C7orf57: variants seen among roughly 807,000 people sequenced by gnomAD.
The protein encoded by C7orf57 is uncharacterized protein C7orf57.
C7orf57 carries 33 observed loss-of-function variants against 39.0 expected under a neutral mutation model. The ratio of observed to expected loss-of-function variants is 0.85; its 90% CI spans 0.64 to 1.13. The LOEUF (loss-of-function observed/expected upper bound fraction) is 1.13. Ranked by LOEUF, C7orf57 falls within the 50% of genes most tolerant of loss-of-function variation. C7orf57 has a pLI of 0.00. For missense variants in C7orf57, 346 were observed against 362.3 expected (o/e 0.95, Z 0.37); for synonymous variants, 124 against 137.1 (o/e 0.90, Z 0.67).
intron 6 of C7orf57, among the ~76,000 whole-genome samples, chr7:48,051,750 T>TTTTCTTTCTTTTTCTTTTC: frequency 1.8e-5 from 1 of 54,690 alleles, no homozygotes; most frequent in Admixed American, 2.3e-4. Context: ...TTTCTTTTTC[T>TTTTCTTTCTTTTTCTTTTC]TTTCTTTCTT....
intron 3 of C7orf57, 72 bp from the exon 4 acceptor site, chr7:48,043,409 A>T: frequency 8.7e-7 from 1 of 1,146,368 alleles, no homozygotes; most frequent in East Asian, 2.5e-5. Context: ...AATTGAGCCT[A>T]TCACTGGCAA....
rs1236080420 is a variant in C7orf57 at position 48,052,673 on chromosome 7, T to A, written c.606-27T>A. On this transcript the variant is annotated intron_variant, in intron 6 of 8. Transcript: ENST00000348904. ...TTTATCATTAACCCTTGTACTTAAG[T>A]TTCACATTACTTTTACTCTTTTTAA... The A allele has an allele frequency of 1.9e-6, 3 of 1,593,326 alleles. No homozygotes were observed. In the South Asian group the frequency reaches 3.3e-5, roughly 18 times the overall value.
intron 6 of C7orf57, among the ~76,000 whole-genome samples, chr7:48,050,659 ATATG>A (rs1369199210): frequency 3.3e-5 from 5 of 152,214 alleles, no homozygotes; most frequent in African/African-American, 4.8e-5. Context: ...GTGTTTATAT[ATATG>A]TAAGTATATA....
intron 2 of C7orf57, among the ~76,000 whole-genome samples, chr7:48,036,631 C>T (rs17132044): frequency 0.074 from 11,251 of 152,194 alleles, 1,384 homozygotes; most frequent in African/African-American, 0.26. Context: ...TTGGTTCAAT[C>T]TGGAGCAACA....
chr7:48,051,839 C>CTT (rs1330048004), intron 6 of C7orf57, among the ~76,000 whole-genome samples: 2 of 59,200 alleles, frequency 3.4e-5, no homozygotes, highest in Non-Finnish European at 6.4e-5. Context: ...TTCTTTCTTT[C>CTT]TTTCTTTCTT....
At chr7:48,050,019 G>T in intron 6 of C7orf57, 42 bp downstream of exon 6, 2 of 1,399,466 alleles carry the variant, frequency 1.4e-6, no homozygotes, top group South Asian at 2.3e-5. Context: ...GACTGGGTTT[G>T]GGTTTGGCCT....
intron 5 of C7orf57, among the ~76,000 whole-genome samples, chr7:48,047,426 G>C (rs917780323): frequency 6.6e-6 from 1 of 152,248 alleles, no homozygotes; most frequent in African/African-American, 2.4e-5. Flanking sequence ...ACAATGAAGA[G>C]ACTGGATGTG....
chr7:48,052,996 A>G (rs1187304771), intron 7 of C7orf57, 73 bp downstream of exon 7: 1 of 1,214,274 alleles, frequency 8.2e-7, no homozygotes, highest in African/African-American at 1.5e-5. Flanking sequence ...CGTTCTTATC[A>G]CATGATGCGT....
intron 8 of C7orf57, among the ~76,000 whole-genome samples, chr7:48,055,660 T>G (rs1791096222): frequency 6.6e-6 from 1 of 152,196 alleles, no homozygotes; most frequent in Non-Finnish European, 1.5e-5. Flanking sequence ...ACACATTCTA[T>G]TCTACTTCTA....
intron 4 of C7orf57, 25 bp downstream of exon 4, chr7:48,043,614 TTTTG>T: frequency 6.3e-7 from 1 of 1,581,384 alleles, no homozygotes; most frequent in South Asian, 1.1e-5. Flanking sequence ...GCACTCACAT[TTTTG>T]TTTATCTTTA....
chr7:48,055,788 G>C (rs1283272875), intron 8 of C7orf57, among the ~76,000 whole-genome samples: 1 of 152,126 alleles, frequency 6.6e-6, no homozygotes, highest in East Asian at 1.9e-4. Context: ...TGTCACAAAT[G>C]ACAGAATTTA....
At chr7:48,049,003 G>A (rs1583813190) in intron 5 of C7orf57, among the ~76,000 whole-genome samples, 1 of 152,028 alleles carries the variant, frequency 6.6e-6, no homozygotes, top group Non-Finnish European at 1.5e-5. Context: ...CTCCAGCCAG[G>A]AAGATGCCAG....
rs1562635363 is a variant in C7orf57, at chr7:48,060,283, A to G, written c.*11A>G. On this transcript the variant is annotated 3_prime_UTR_variant, in exon 9 of 9. Transcript: ENST00000348904. ...GCAGAGCTCAAATAAATCCTGATGC[A>G]ATATGTATTTAGGATAATTTTTAAA... is the stretch of plus-strand genomic sequence containing the variant. 6.6e-7 allele frequency: 1 copy of G among 1,511,046 alleles called. No individual in the cohort carries two copies. Among genetic ancestry groups the G allele is most frequent in the Non-Finnish European group, 9.0e-7 (1 of 1,117,144 alleles). 93.6% of individuals were successfully genotyped at this position (1,511,046 alleles called of 1,614,324 possible).
At position 48,049,982 on chromosome 7, in the gene C7orf57, G is replaced by C; in HGVS notation, c.605+5G>C. 2 of 1,583,272 alleles carry C rather than the reference G, an allele frequency of 1.3e-6. No homozygotes were observed. Among genetic ancestry groups the C allele is most frequent in the Non-Finnish European group, 1.7e-6 (2 of 1,151,968 alleles). On this transcript the variant is annotated splice_donor_5th_base_variant and intron_variant, in intron 6 of 8. Coordinates refer to ENST00000348904, the MANE Select transcript of C7orf57 (RefSeq NM_001100159.3). ...TAGACTCTCCTTCCCCCCCGTGTAAGTGCTTGAGCTACGCCCTCACTGTCT... is the reference window on the plus strand; with the variant it reads ...TAGACTCTCCTTCCCCCCCGTGTAACTGCTTGAGCTACGCCCTCACTGTCT...
rs754897945 is a variant in C7orf57 at position 48,046,598 on chromosome 7, TGAAAAG to T, written c.492_497del (p.Glu166_Lys167del). 6.2e-7 allele frequency: 1 copy of T among 1,613,032 alleles called. No homozygotes were observed. The highest frequency in any genetic ancestry group is 1.1e-5 in the South Asian group (1 of 90,892). On this transcript the variant is annotated inframe_deletion, in exon 5 of 9. Coordinates refer to ENST00000348904, the MANE Select transcript of C7orf57 (RefSeq NM_001100159.3). ...TTTGGCAAAGAGAGGCTGAGGAACT[TGAAAAG>T]GAGAAAAAAAAGGTGACGGGAGCCC... is the stretch of plus-strand genomic sequence containing the variant.
intron 2 of C7orf57, 32 bp downstream of exon 2, chr7:48,036,395 A>G (rs1790364043): frequency 2.6e-6 from 4 of 1,544,038 alleles, no homozygotes; most frequent in Non-Finnish European, 3.5e-6. Flanking sequence ...CCCGGCCAGA[A>G]AGAGCTGGGT....
intron 8 of C7orf57, among the ~76,000 whole-genome samples, chr7:48,058,137 A>G (rs1791182144): frequency 6.6e-6 from 1 of 152,060 alleles, no homozygotes; most frequent in African/African-American, 2.4e-5. Flanking sequence ...TTTATCAGGG[A>G]AATTGGCCTG....
intron 8 of C7orf57, among the ~76,000 whole-genome samples, chr7:48,056,006 C>T (rs181670078): frequency 1.8e-4 from 28 of 152,192 alleles, no homozygotes; most frequent in East Asian, 3.9e-4. Flanking sequence ...CTATATCATA[C>T]GAGAATTCGA....
chr7:48,054,556 T>C, intron 7 of C7orf57, 39 bp from the exon 8 acceptor site: 1 of 1,516,942 alleles, frequency 6.6e-7, no homozygotes, highest in East Asian at 2.5e-5. Context: ...ACTTGATCTG[T>C]TTCATTAACC....
Sources: gnomAD v4.1 joint callset for allele counts (sites outside exome capture counted in the v4.1 genomes callset) on GRCh38, gnomAD v4.1.1 for gene constraint, MANE v1.5 for transcripts, NCBI Gene and HGNC (gene_info 2026-07-23, HGNC 2026-07-21) for gene names.